Variants in ARHGAP18 observed in about 807,000 individuals in gnomAD.
The protein encoded by ARHGAP18 is rho GTPase-activating protein 18.
In ARHGAP18, 67 loss-of-function variants were observed where a neutral mutation model predicts 86.2. The ratio of observed to expected loss-of-function variants is 0.78; its 90% CI spans 0.64 to 0.95. The LOEUF is 0.95. ARHGAP18 is among the 40% of genes least tolerant of loss of function. The pLI is 0.00. For synonymous variants in ARHGAP18, 283 were observed against 280.4 expected (o/e 1.01, Z -0.09); for missense variants, 691 against 780.4 (o/e 0.89, Z 1.37).
chr6:129,708,548 G>A (rs150262845), intron 1 of ARHGAP18, among the ~76,000 whole-genome samples: 172 of 152,284 alleles, frequency 1.1e-3, no homozygotes, highest in African/African-American at 3.4e-3. Context: ...ACTAATCCCT[G>A]GGGTTTGAGT....
rs1008504688 is a variant in ARHGAP18 at position 129,608,910 on chromosome 6, T to A, written c.1123-858A>T. Among the ~76,000 whole-genome samples, 9 of 151,616 alleles carry A rather than the reference T, an allele frequency of 5.9e-5. No individual in the cohort carries two copies. In the South Asian group the frequency reaches 1.9e-3, roughly 31 times the overall value. On this transcript the variant is annotated intron_variant, in intron 8 of 14. Transcript: ENST00000368149. ...CACAACAACCATTCTCTACCCCCAA[T>A]TATTTTTGTAATTGATGAAATAGGT...
Position 129,618,843 on chromosome 6 carries a change from A to T in ARHGAP18, c.796T>A (p.Leu266Met). Residue 266 changes from leucine (L) to methionine (M), a missense_variant, in exon 6 of 15, where the codon TTG becomes ATG. Coordinates refer to ENST00000368149, the MANE Select transcript of ARHGAP18 (RefSeq NM_033515.3). ...GDDATLPSFR[L>M]PKDKTGTTRI... ...GTGGTACCCGTTTTGTCTTTTGGCA[A>T]TCTGAAACTCTAAAATAAACATCAT... is the stretch of plus-strand genomic sequence containing the variant. 6.2e-7 allele frequency: 1 copy of T among 1,611,894 alleles called. No individual in the cohort carries two copies. Among genetic ancestry groups the T allele is most frequent in the South Asian group, 1.1e-5 (1 of 90,728 alleles).
chr6:129,631,392 C>CAA (rs71028170), intron 4 of ARHGAP18, among the ~76,000 whole-genome samples: 31,220 of 146,186 alleles, frequency 0.21, 3,312 homozygotes, highest in Middle Eastern at 0.24. Flanking sequence ...AAAAGCAATG[C>CAA]AAAAAAAAAA....
intron 1 of ARHGAP18, among the ~76,000 whole-genome samples, chr6:129,704,220 G>A (rs1211609152): frequency 3.9e-5 from 6 of 152,014 alleles, no homozygotes; most frequent in Admixed American, 6.6e-5. Flanking sequence ...CGAGGCAGGC[G>A]GATCACTTGA....
intron 2 of ARHGAP18, 88 bp downstream of exon 2, chr6:129,641,728 A>AT (rs141525787): frequency 0.095 from 107,948 of 1,133,342 alleles, 2,627 homozygotes; most frequent in African/African-American, 0.15. Flanking sequence ...CCTAGCTTTA[A>AT]TTTTTTTTTT....
intron 1 of ARHGAP18, among the ~76,000 whole-genome samples, chr6:129,672,368 CT>C (rs1341733780): frequency 3.9e-5 from 6 of 152,210 alleles, no homozygotes; most frequent in Admixed American, 1.3e-4. Context: ...AGTTCCATCC[CT>C]TTATGTCAGT....
At chr6:129,704,448 A>G (rs905204606) in intron 1 of ARHGAP18, among the ~76,000 whole-genome samples, 32 of 152,062 alleles carry the variant, frequency 2.1e-4, no homozygotes, top group Admixed American at 4.6e-4. Flanking sequence ...CAGTATCTGA[A>G]AACAAAAAAC....
chr6:129,647,793 T>C (rs1347088806), intron 1 of ARHGAP18, among the ~76,000 whole-genome samples: 1 of 152,182 alleles, frequency 6.6e-6, no homozygotes, highest in Non-Finnish European at 1.5e-5. Flanking sequence ...AGAATGCTAT[T>C]GCACCTCAGA....
chr6:129,634,126 A>AT, intron 3 of ARHGAP18, 21 bp from the exon 4 acceptor site: 1 of 1,610,118 alleles, frequency 6.2e-7, no homozygotes, highest in Non-Finnish European at 8.5e-7. Flanking sequence ...AAAACAGGCC[A>AT]TTTAGTCATC....
chr6:129,613,872 T>C (rs1483732513), intron 7 of ARHGAP18, among the ~76,000 whole-genome samples: 1 of 152,202 alleles, frequency 6.6e-6, no homozygotes, highest in Admixed American at 6.5e-5. Flanking sequence ...TTCTGTAATT[T>C]ATCAGTAATT....
At chr6:129,677,144 G>C (rs1194729490) in intron 1 of ARHGAP18, among the ~76,000 whole-genome samples, 1 of 151,994 alleles carries the variant, frequency 6.6e-6, no homozygotes, top group Non-Finnish European at 1.5e-5. Flanking sequence ...TGTAATCCCA[G>C]CACTTTGGGA....
At chr6:129,662,950 C>T (rs1584099808) in intron 1 of ARHGAP18, among the ~76,000 whole-genome samples, 2 of 152,280 alleles carry the variant, frequency 1.3e-5, no homozygotes, top group East Asian at 3.9e-4. Flanking sequence ...TGCCCAGTTG[C>T]TTCACTGTAA....
intron 1 of ARHGAP18, among the ~76,000 whole-genome samples, chr6:129,708,073 CCTTTCAGGCT>C (rs1418726518): frequency 6.6e-6 from 1 of 152,144 alleles, no homozygotes; most frequent in African/African-American, 2.4e-5. Context: ...GTATCTCAAT[CCTTTCAGGCT>C]AAACAGGGTA....
intron 1 of ARHGAP18, among the ~76,000 whole-genome samples, chr6:129,654,510 G>A (rs1440776881): frequency 6.6e-6 from 1 of 152,160 alleles, no homozygotes; most frequent in Non-Finnish European, 1.5e-5. Flanking sequence ...ACATGGAGTA[G>A]CAAAATTCCC....
intron 12 of ARHGAP18, among the ~76,000 whole-genome samples, chr6:129,593,071 T>C (rs952674022): frequency 2.6e-5 from 4 of 152,148 alleles, no homozygotes; most frequent in Admixed American, 1.3e-4. Flanking sequence ...TTCCAGCTTT[T>C]AGACGATACA....
chr6:129,585,369 G>A (rs1788376065), intron 12 of ARHGAP18, among the ~76,000 whole-genome samples: 1 of 152,132 alleles, frequency 6.6e-6, no homozygotes, highest in Non-Finnish European at 1.5e-5. Context: ...TTCTTTCAAA[G>A]TTCAACACAA....
At chr6:129,586,468 C>T (rs1023945040) in intron 12 of ARHGAP18, among the ~76,000 whole-genome samples, 1 of 151,960 alleles carries the variant, frequency 6.6e-6, no homozygotes, top group Non-Finnish European at 1.5e-5. Flanking sequence ...CTAGAGTTTA[C>T]AGATAGCCAT....
At chr6:129,625,953 TATTA>T in intron 5 of ARHGAP18, among the ~76,000 whole-genome samples, 1 of 63,614 alleles carries the variant, frequency 1.6e-5, no homozygotes, top group South Asian at 4.0e-4. Context: ...TATATTTATA[TATTA>T]TATATTTATA....
In ARHGAP18 at chr6:129,584,044, C is replaced by T; in HGVS notation, c.1782G>A (p.Gln594=). ...PHLSKVSMAI[Q]LTEELKASDV... is the part of the protein sequence containing the mutation. ...CACTGGCTTTTAGTTCTTCAGTTAGCTGTATTGCCATGGAAACTTTCGAAA... is the reference window on the plus strand; with the variant it reads ...CACTGGCTTTTAGTTCTTCAGTTAGTTGTATTGCCATGGAAACTTTCGAAA... The change falls in exon 13 of 15, where the codon CAG becomes CAA. Residue 594 remains glutamine, a synonymous_variant. Coordinates refer to ENST00000368149, the MANE Select transcript of ARHGAP18 (RefSeq NM_033515.3). 6.2e-7 allele frequency: 1 copy of T among 1,613,844 alleles called. No homozygotes were observed. Among genetic ancestry groups the T allele is most frequent in the Non-Finnish European group, 8.5e-7 (1 of 1,179,866 alleles).
Sources: gnomAD v4.1 joint callset for allele counts (sites outside exome capture counted in the v4.1 genomes callset) on GRCh38, gnomAD v4.1.1 for gene constraint, MANE v1.5 for transcripts, NCBI Gene and HGNC (gene_info 2026-07-23, HGNC 2026-07-21) for gene names.